The following ATF6 variants were observed in gnomAD, a reference collection of about 807,000 sequenced individuals.
The protein encoded by ATF6 is cyclic AMP-dependent transcription factor ATF-6 alpha.
In ATF6, 53 loss-of-function variants were observed where a neutral mutation model predicts 83.6. That is an observed-to-expected ratio of 0.63 (90% CI 0.51 to 0.80). ATF6 has a LOEUF of 0.80. Among genes scored for constraint, ATF6 ranks in the 30% least tolerant of loss-of-function variants. The probability of loss-of-function intolerance (pLI) is 0.00; values close to 1 mark genes in which losing one functional copy is unlikely to be tolerated. For missense variants in ATF6, 744 were observed against 797.9 expected (o/e 0.93, Z 0.81); for synonymous variants, 288 against 285.8 (o/e 1.01, Z -0.08).
chr1:161,781,419 A>G (rs1684632913), intron 2 of ATF6, among the ~76,000 whole-genome samples: 1 of 152,240 alleles, frequency 6.6e-6, no homozygotes, highest in East Asian at 1.9e-4. Flanking sequence ...TTTAGGAAGT[A>G]TAGAACAGTA....
intron 14 of ATF6, among the ~76,000 whole-genome samples, chr1:161,894,794 C>G (rs151338921): frequency 1.3e-5 from 2 of 149,810 alleles, no homozygotes; most frequent in Non-Finnish European, 3.0e-5. Context: ...TCGTGAGCCA[C>G]CCGCCTTGGC....
chr1:161,884,433 A>G (rs1687379331), intron 14 of ATF6, among the ~76,000 whole-genome samples: 1 of 152,122 alleles, frequency 6.6e-6, no homozygotes, highest in South Asian at 2.1e-4. Flanking sequence ...TTCTTCCTCA[A>G]ACCTTTTAGG....
At chr1:161,852,739 A>C (rs1686660919) in intron 11 of ATF6, among the ~76,000 whole-genome samples, 1 of 152,028 alleles carries the variant, frequency 6.6e-6, no homozygotes, top group Non-Finnish European at 1.5e-5. Flanking sequence ...TCGCCTCCTG[A>C]GTAGCTGGGA....
chr1:161,803,027 G>T (rs1203309323), intron 7 of ATF6, among the ~76,000 whole-genome samples: 1 of 152,164 alleles, frequency 6.6e-6, no homozygotes, highest in South Asian at 2.1e-4. Flanking sequence ...CTAAAGTTAC[G>T]ATTGGGAAAG....
At chr1:161,812,784 C>CTGTGTGTGTGTGTG (rs4040222) in intron 7 of ATF6, among the ~76,000 whole-genome samples, 9 of 145,444 alleles carry the variant, frequency 6.2e-5, no homozygotes, top group African/African-American at 2.3e-4. Flanking sequence ...TTTGCCTCCT[C>CTGTGTGTGTGTGTG]TGTGTGTGTG....
chr1:161,793,670 G>A (rs1684938536), intron 6 of ATF6, among the ~76,000 whole-genome samples: 1 of 152,202 alleles, frequency 6.6e-6, no homozygotes. Flanking sequence ...ACATTAATAT[G>A]ACTAGCGTAT....
At chr1:161,797,432 G>C (rs933523977) in intron 6 of ATF6, among the ~76,000 whole-genome samples, 5 of 152,068 alleles carry the variant, frequency 3.3e-5, no homozygotes, top group African/African-American at 4.8e-5. Flanking sequence ...CATAGTCTCA[G>C]CCCAAGACTC....
intron 14 of ATF6, among the ~76,000 whole-genome samples, chr1:161,878,007 G>A (rs1452176472): frequency 6.6e-6 from 1 of 152,140 alleles, no homozygotes; most frequent in Non-Finnish European, 1.5e-5. Flanking sequence ...AATTTGAAAT[G>A]TCTGTGAGAC....
intron 15 of ATF6, among the ~76,000 whole-genome samples, chr1:161,940,492 G>A (rs907987627): frequency 2.0e-5 from 3 of 149,508 alleles, no homozygotes; most frequent in African/African-American, 4.9e-5. Flanking sequence ...TTATCCCTCT[G>A]TAGAATTTCC....
At chr1:161,790,450 T>C (rs1241884656) in intron 4 of ATF6, among the ~76,000 whole-genome samples, 1 of 152,146 alleles carries the variant, frequency 6.6e-6, no homozygotes, top group African/African-American at 2.4e-5. Context: ...TAAAAGACTT[T>C]GGGAAAATGC....
At chr1:161,791,986 G>A (rs1684889847) in intron 5 of ATF6, 138 bp from the exon 6 acceptor site, 1 of 774,132 alleles carries the variant, frequency 1.3e-6, no homozygotes, top group Non-Finnish European at 2.2e-6. Context: ...ATGTACTGTA[G>A]CTATGCTTAA....
In ATF6 at chr1:161,802,264, G is replaced by A. The variant is rs200990345; in HGVS notation, c.901G>A (p.Gly301Ser). The change falls in exon 7 of 16, where the codon GGT becomes AGT. Residue 301 changes from glycine to serine, a missense_variant. Physicochemically the swap from Gly to Ser is moderately conservative, Grantham distance 56. Coordinates refer to ENST00000367942, the MANE Select transcript of ATF6 (RefSeq NM_007348.4). ...CCTACAAAGTACCATGAGAAATGTC[G>A]GTTCAGATGTAAGTTTTGAAACTTA... ...PVLQSTMRNV[G>S]SDIAVLRRQQ... is the part of the protein sequence containing the mutation. The A allele has an allele frequency of 1.0e-4, 168 of 1,613,506 alleles. No individual in the cohort carries two copies. The highest frequency in any genetic ancestry group is 5.0e-4 in the Middle Eastern group (3 of 6,056).
chr1:161,956,285 C>T (rs771972853), intron 15 of ATF6, among the ~76,000 whole-genome samples: 1 of 152,102 alleles, frequency 6.6e-6, no homozygotes, highest in African/African-American at 2.4e-5. Flanking sequence ...ACAGTGCATG[C>T]GCATACACAC....
intron 9 of ATF6, among the ~76,000 whole-genome samples, chr1:161,835,161 C>G (rs901337668): frequency 2.6e-5 from 4 of 152,168 alleles, no homozygotes; most frequent in Non-Finnish European, 5.9e-5. Flanking sequence ...TCTTGAACTC[C>G]TAGGCTCAAG....
intron 2 of ATF6, among the ~76,000 whole-genome samples, chr1:161,781,480 C>G (rs1684634413): frequency 6.6e-6 from 1 of 152,030 alleles, no homozygotes; most frequent in Admixed American, 6.5e-5. Flanking sequence ...TGATTCTTGC[C>G]TGTCTTTTGG....
intron 15 of ATF6, among the ~76,000 whole-genome samples, chr1:161,947,732 T>G (rs1288546885): frequency 6.6e-6 from 1 of 151,532 alleles, no homozygotes; most frequent in Non-Finnish European, 1.5e-5. Flanking sequence ...GGAACAATTA[T>G]TTAGTGTGCA....
intron 14 of ATF6, among the ~76,000 whole-genome samples, chr1:161,907,425 G>C (rs1687897429): frequency 6.6e-6 from 1 of 152,098 alleles, no homozygotes. Context: ...AGTGGATATG[G>C]GCCAAATATA....
chr1:161,846,323 TG>T, intron 9 of ATF6, 125 bp from the exon 10 acceptor site: 1 of 1,034,682 alleles, frequency 9.7e-7, no homozygotes, highest in Non-Finnish European at 1.4e-6. Flanking sequence ...CTTGCGTCTA[TG>T]CCTAGCATTT....
At chr1:161,861,763 A>G (rs1686890363) in intron 13 of ATF6, among the ~76,000 whole-genome samples, 1 of 152,314 alleles carries the variant, frequency 6.6e-6, no homozygotes. Flanking sequence ...TCTGCCTTTT[A>G]GTCTCAGCTA....
Sources: allele counts gnomAD v4.1 joint callset (sites outside exome capture counted in the v4.1 genomes callset), GRCh38; gene constraint gnomAD v4.1.1; transcripts MANE v1.5; gene names NCBI Gene and HGNC (gene_info 2026-07-23, HGNC 2026-07-21).